The following ZNF236 variants were observed in gnomAD, a reference collection of about 807,000 sequenced individuals.
The protein encoded by ZNF236 is regulated by glucose.
A neutral mutation model predicts 191.2 loss-of-function variants in ZNF236; 50 were observed. The observed-to-expected ratio is 0.26, with a 90% CI of 0.21 to 0.33. The LOEUF (loss-of-function observed/expected upper bound fraction) is 0.33, where lower values mean the gene tolerates loss of function less well. Among genes scored for constraint, ZNF236 ranks in the 10% least tolerant of loss-of-function variants. The probability of loss-of-function intolerance (pLI) is 1.00; values close to 1 mark genes in which losing one functional copy is unlikely to be tolerated. For missense variants in ZNF236, 1,754 were observed against 2,374.5 expected (o/e 0.74, Z 5.43); for synonymous variants, 907 against 928.8 (o/e 0.98, Z 0.43).
At chr18:76,832,639 T>A (rs2122402936) in intron 1 of ZNF236, among the ~76,000 whole-genome samples, 1 of 152,228 alleles carries the variant, frequency 6.6e-6, no homozygotes, top group African/African-American at 2.4e-5. Context: ...ATTCTGAGTC[T>A]TGGTATCTGG....
chr18:76,917,851 T>C (rs941323365), intron 19 of ZNF236, among the ~76,000 whole-genome samples: 3 of 152,168 alleles, frequency 2.0e-5, no homozygotes, highest in African/African-American at 7.2e-5. Flanking sequence ...GACTTTCAGT[T>C]TGCTGTATCT....
intron 6 of ZNF236, among the ~76,000 whole-genome samples, chr18:76,876,702 A>G (rs1976727765): frequency 6.6e-6 from 1 of 152,216 alleles, no homozygotes; most frequent in East Asian, 1.9e-4. Flanking sequence ...AGATTTCGGA[A>G]GAATAAATTT....
chr18:76,883,334 G>A (rs1018816022), intron 9 of ZNF236, among the ~76,000 whole-genome samples: 2 of 149,362 alleles, frequency 1.3e-5, no homozygotes, highest in African/African-American at 4.9e-5. Flanking sequence ...TACATTCATG[G>A]GATCCCTAGT....
At chr18:76,856,603 C>T (rs1172165154) in intron 3 of ZNF236, among the ~76,000 whole-genome samples, 2 of 152,090 alleles carry the variant, frequency 1.3e-5, no homozygotes, top group African/African-American at 4.8e-5. Context: ...TAGCATCTTT[C>T]CATGTTTATT....
Position 76,960,151 on chromosome 18 carries a change from A to C in ZNF236, c.5242+335A>C, listed in dbSNP as rs1279157507. Among the ~76,000 whole-genome samples the C allele has an allele frequency of 1.3e-5, 2 of 152,096 alleles. No individual in the cohort carries two copies. Among genetic ancestry groups the C allele is most frequent in the African/African-American group, 2.4e-5 (1 of 41,402 alleles). Reference sequence around the variant, plus strand: ...CCAGTGCCTGGGTCCCATGTCCTCAATGTCACCGGGGAACTTAATTTTTAA... The same window carrying C: ...CCAGTGCCTGGGTCCCATGTCCTCACTGTCACCGGGGAACTTAATTTTTAA... On this transcript the variant is annotated intron_variant, in intron 29 of 30. Transcript: ENST00000320610. The surrounding 1 kb of genome is among the most constrained non-coding windows in gnomAD (Gnocchi z 4.4).
At chr18:76,942,505 T>A (rs1968154927) in intron 26 of ZNF236, among the ~76,000 whole-genome samples, 2 of 151,788 alleles carry the variant, frequency 1.3e-5, no homozygotes, top group African/African-American at 2.4e-5. Flanking sequence ...TTTTTTTAAT[T>A]TTTTATTTTT....
At chr18:76,938,546 G>A (rs1968055633) in intron 26 of ZNF236, among the ~76,000 whole-genome samples, 1 of 152,196 alleles carries the variant, frequency 6.6e-6, no homozygotes, top group African/African-American at 2.4e-5. Context: ...GGCCTCTTCT[G>A]AGCTCTAGTC....
chr18:76,859,963 T>C (rs1976165824), intron 3 of ZNF236, among the ~76,000 whole-genome samples: 1 of 152,118 alleles, frequency 6.6e-6, no homozygotes, highest in Admixed American at 6.5e-5. Context: ...CCCTGGGAGC[T>C]GAGAGCCCAT....
At position 76,830,167 on chromosome 18, in the gene ZNF236, C is replaced by T. The variant is rs986919335; in HGVS notation, c.55+7505C>T. Among the ~76,000 whole-genome samples, 4 of 152,274 alleles carry T rather than the reference C, an allele frequency of 2.6e-5. No homozygotes were observed. The East Asian group carries it at 5.8e-4, about 22-fold the overall frequency. On this transcript the variant is annotated intron_variant, in intron 1 of 30. Coordinates refer to ENST00000320610, the MANE Select transcript of ZNF236 (RefSeq NM_001306089.2). ...TACAGGTGTGAGCCACGGTGCCTGG[C>T]CAGCTTTACCTGTTTTTGAACTAAA... is the stretch of plus-strand genomic sequence containing the variant.
At chr18:76,870,819 TG>T (rs1275307497) in intron 4 of ZNF236, among the ~76,000 whole-genome samples, 1 of 152,018 alleles carries the variant, frequency 6.6e-6, no homozygotes, top group Non-Finnish European at 1.5e-5. Flanking sequence ...GGAAGGTGGC[TG>T]GGGTGAGGAG....
At chr18:76,926,340 G>A (rs1381154086) in intron 22 of ZNF236, among the ~76,000 whole-genome samples, 1 of 152,002 alleles carries the variant, frequency 6.6e-6, no homozygotes, top group Non-Finnish European at 1.5e-5. Flanking sequence ...GAGATTTCGC[G>A]GGTGATTAGA....
chr18:76,880,383 A>G lies in ZNF236; in HGVS notation c.1188+67A>G. ...GCTGGGTCAGAAACCAGGGATGATA[A>G]TTGAGAATAAATCTGCAGGGCTTGT... is the stretch of plus-strand genomic sequence containing the variant. On this transcript the variant is annotated intron_variant, in intron 8 of 30. Coordinates refer to ENST00000320610, the MANE Select transcript of ZNF236 (RefSeq NM_001306089.2). This position sits in a 1 kb window ranked among gnomAD's most constrained non-coding sequence, Gnocchi z 5.0. 1 of 1,467,544 alleles carries G rather than the reference A, an allele frequency of 6.8e-7. No individual in the cohort carries two copies. Among genetic ancestry groups the G allele is most frequent in the Non-Finnish European group, 9.2e-7 (1 of 1,091,036 alleles). The allele number at this position is 1,467,544 out of a possible 1,614,324, so 90.9% of individuals were successfully genotyped here.
chr18:76,848,122 A>G lies in ZNF236; in HGVS notation c.56-1404A>G, dbSNP rs549405746. 7.9e-5 allele frequency among the ~76,000 whole-genome samples: 12 copies of G among 152,334 alleles called. No homozygotes were observed. The East Asian group carries it at 2.1e-3, about 27-fold the overall frequency. On this transcript the variant is annotated intron_variant, in intron 1 of 30. Coordinates refer to ENST00000320610, the MANE Select transcript of ZNF236 (RefSeq NM_001306089.2). ...AATCTCCAGGTCCTTGCTACAAGGC[A>G]GATTCAACTTTCAGCCAGGAGACTT...
At chr18:76,940,949 G>A (rs1316598787) in intron 26 of ZNF236, among the ~76,000 whole-genome samples, 1 of 152,164 alleles carries the variant, frequency 6.6e-6, no homozygotes, top group Non-Finnish European at 1.5e-5. Flanking sequence ...GAATCCTATT[G>A]TGAACTACAC....
chr18:76,895,090 C>T lies in ZNF236; in HGVS notation c.1495C>T (p.Leu499=), dbSNP rs1299339439. The T allele has an allele frequency of 5.6e-6, 9 of 1,611,796 alleles. No individual in the cohort carries two copies. Among genetic ancestry groups the T allele is most frequent in the Admixed American group, 1.7e-5 (1 of 60,012 alleles). ...CAKEFRKPSD[L]VRHIRIHTHE... ...CAAGGAGTTCCGCAAGCCCAGCGACCTGGTCCGCCACATCCGCATCCACAC... is the reference window on the plus strand; with the variant it reads ...CAAGGAGTTCCGCAAGCCCAGCGACTTGGTCCGCCACATCCGCATCCACAC... Residue 499 remains leucine (L), a synonymous_variant, in exon 10 of 31, where the codon CTG becomes TTG. Coordinates refer to ENST00000320610, the MANE Select transcript of ZNF236 (RefSeq NM_001306089.2).
chr18:76,854,195 A>C (rs1975973622), intron 3 of ZNF236, among the ~76,000 whole-genome samples: 1 of 152,212 alleles, frequency 6.6e-6, no homozygotes, highest in Non-Finnish European at 1.5e-5. Flanking sequence ...TTATCAATTT[A>C]AAAATCAATT....
intron 3 of ZNF236, among the ~76,000 whole-genome samples, chr18:76,852,765 A>G (rs1194221452): frequency 3.3e-5 from 5 of 152,230 alleles, no homozygotes; most frequent in Admixed American, 2.6e-4. Context: ...ACTGATAACT[A>G]TTTGGTATAT....
chr18:76,828,822 A>G (rs960059945), intron 1 of ZNF236, among the ~76,000 whole-genome samples: 8 of 152,074 alleles, frequency 5.3e-5, no homozygotes, highest in Non-Finnish European at 1.0e-4. Context: ...ACATGCCACC[A>G]TGCCCAGCTA....
intron 26 of ZNF236, 133 bp downstream of exon 26, chr18:76,937,476 T>C: frequency 1.2e-6 from 1 of 824,046 alleles, no homozygotes; most frequent in Non-Finnish European, 1.8e-6. Context: ...TTTTTTCTGA[T>C]TAAAAAATAC....
Sources: gnomAD v4.1 joint callset for allele counts (sites outside exome capture counted in the v4.1 genomes callset) on GRCh38, gnomAD v4.1.1 for gene constraint, Gnocchi (gnomAD v3.1) non-coding constraint, MANE v1.5 for transcripts, NCBI Gene and HGNC (gene_info 2026-07-23, HGNC 2026-07-21) for gene names.